SHROOM2: variants seen among roughly 807,000 people sequenced by gnomAD.
SHROOM2 encodes shroom family member 2.
SHROOM2 carries 33 observed loss-of-function variants against 75.9 expected under a neutral mutation model. The observed-to-expected ratio is 0.43, with a 90% confidence interval of 0.33 to 0.58. The LOEUF (loss-of-function observed/expected upper bound fraction) is 0.58, where lower values mean the gene tolerates loss of function less well. SHROOM2 is among the 20% of genes least tolerant of loss of function. SHROOM2 has a pLI of 0.04. For missense variants in SHROOM2, 1,434 were observed against 1,461.2 expected (o/e 0.98, Z 0.30); for synonymous variants, 655 against 663.6 (o/e 0.99, Z 0.20).
rs926065071 is a variant in SHROOM2 at position 9,930,954 on chromosome X, G to T, written c.2892-1221G>T. On this transcript the variant is annotated intron_variant, in intron 5 of 9. Coordinates refer to ENST00000380913, the MANE Select transcript of SHROOM2 (RefSeq NM_001649.4). The stretch of plus-strand genomic sequence containing the variant: ...GATGGGGCTTCACCATGTTGGCCAG[G>T]CTGGTCTCGAACTCCTGACCTCAAG... Among the ~76,000 whole-genome samples the T allele has an allele frequency of 2.7e-5, 3 of 109,551 alleles. No individual in the cohort carries two copies. The South Asian group carries it at 1.2e-3, about 45-fold the overall frequency.
intron 1 of SHROOM2, among the ~76,000 whole-genome samples, chrX:9,799,288 C>T (rs1055611923): frequency 3.0e-5 from 3 of 101,271 alleles, no homozygotes; most frequent in South Asian, 4.7e-4. Context: ...GTGTCTTAAC[C>T]TCCTGAGTAG....
Position 9,932,698 on chromosome X carries a change from G to T in SHROOM2, c.3415G>T (p.Val1139Leu). The T allele has an allele frequency of 2.5e-6, 3 of 1,211,640 alleles. No homozygotes were observed. The highest frequency in any genetic ancestry group is 3.3e-6 in the Non-Finnish European group (3 of 895,528). Residue 1139 changes from valine (V) to leucine (L), a missense_variant, in exon 6 of 10, where the codon GTG (valine) becomes TTG (leucine). Transcript: ENST00000380913. The stretch of plus-strand genomic sequence containing the variant: ...TGTCTGTGAGCGTGGAAGCCAGCAT[G>T]TGAGCGGGGACGCATCACGTCCTCT... ...ATVCERGSQH[V>L]SGDASRPLPE... is the part of the protein sequence containing the mutation.
intron 5 of SHROOM2, among the ~76,000 whole-genome samples, chrX:9,925,627 G>A (rs914315870): frequency 2.7e-5 from 3 of 112,512 alleles, no homozygotes; most frequent in African/African-American, 9.7e-5. Flanking sequence ...TGTGCTCTGT[G>A]CACACAGTTC....
At chrX:9,816,473 C>T (rs540141643) in intron 1 of SHROOM2, among the ~76,000 whole-genome samples, 2 of 112,277 alleles carry the variant, frequency 1.8e-5, no homozygotes, top group African/African-American at 6.5e-5. Flanking sequence ...TGCAGGGCTC[C>T]GACAGAGGTG....
At chrX:9,789,471 G>C (rs1290657600) in intron 1 of SHROOM2, among the ~76,000 whole-genome samples, 4 of 111,487 alleles carry the variant, frequency 3.6e-5, no homozygotes, top group Admixed American at 1.9e-4. Flanking sequence ...TGTTAGAGAG[G>C]GGGCAGGAAT....
intron 2 of SHROOM2, among the ~76,000 whole-genome samples, chrX:9,875,308 C>A (rs1569155877): frequency 1.8e-5 from 2 of 109,071 alleles, no homozygotes; most frequent in African/African-American, 3.3e-5. Flanking sequence ...TCTGTGATCA[C>A]CGTCTTAACC....
At chrX:9,811,849 G>T (rs1295102307) in intron 1 of SHROOM2, among the ~76,000 whole-genome samples, 1 of 111,858 alleles carries the variant, frequency 8.9e-6, no homozygotes, top group Admixed American at 9.5e-5. Flanking sequence ...GGTGCAGGCT[G>T]GGGGAGAGAA....
intron 1 of SHROOM2, among the ~76,000 whole-genome samples, chrX:9,812,093 G>A (rs7067206): frequency 0.094 from 10,531 of 111,555 alleles, 1,202 homozygotes; most frequent in African/African-American, 0.32. Flanking sequence ...TTCAGTTTCT[G>A]CCAAAGCCCA....
rs767519356 is a variant in SHROOM2, at chrX:9,808,282, C to T, written c.165+21572C>T. ...TTAATTATTAAAAATGGAGACTGTGCGCTGTGGCTCACACCTGTAATCCCA... is the reference window on the plus strand; with the variant it reads ...TTAATTATTAAAAATGGAGACTGTGTGCTGTGGCTCACACCTGTAATCCCA... On this transcript the variant is annotated intron_variant, in intron 1 of 9. Coordinates refer to ENST00000380913, the MANE Select transcript of SHROOM2 (RefSeq NM_001649.4). Among the ~76,000 whole-genome samples the T allele has an allele frequency of 6.5e-5, 7 of 108,228 alleles. No homozygotes were observed. In the South Asian group the frequency reaches 2.9e-3, roughly 45 times the overall value. 94.0% of individuals were successfully genotyped at this position (108,228 alleles called of 115,157 possible).
intron 5 of SHROOM2, among the ~76,000 whole-genome samples, chrX:9,903,651 C>T (rs1418201206): frequency 1.8e-5 from 2 of 111,405 alleles, no homozygotes; most frequent in African/African-American, 6.5e-5. Flanking sequence ...TCACGTGATC[C>T]TCCCACCTCA....
At chrX:9,939,406 A>C in intron 8 of SHROOM2, 40 bp downstream of exon 8, 1 of 1,086,022 alleles carries the variant, frequency 9.2e-7, no homozygotes, top group Non-Finnish European at 1.2e-6. Context: ...GTGCGTGTCC[A>C]GGCAGGGGCA....
intron 1 of SHROOM2, among the ~76,000 whole-genome samples, chrX:9,829,179 A>ACCC (rs1250531906): frequency 1.8e-5 from 2 of 110,904 alleles, no homozygotes; most frequent in African/African-American, 6.6e-5. Context: ...ATGCGCCACC[A>ACCC]CCCCCGGCTA....
intron 5 of SHROOM2, among the ~76,000 whole-genome samples, chrX:9,929,336 G>A (rs1239682129): frequency 9.0e-6 from 1 of 110,616 alleles, no homozygotes; most frequent in Non-Finnish European, 1.9e-5. Context: ...TCTGAATGAA[G>A]TGCAGTGTTG....
At chrX:9,906,844 T>C (rs2084394263) in intron 5 of SHROOM2, among the ~76,000 whole-genome samples, 1 of 112,661 alleles carries the variant, frequency 8.9e-6, no homozygotes, top group Non-Finnish European at 1.9e-5. Context: ...GCAGCTGTAG[T>C]TCAGAGATTG....
chrX:9,918,169 AT>A (rs2084508358), intron 5 of SHROOM2, among the ~76,000 whole-genome samples: 1 of 112,833 alleles, frequency 8.9e-6, no homozygotes. Context: ...CTGGTTAGCA[AT>A]TAGCATTCCC....
At chrX:9,914,468 A>T (rs757958180) in intron 5 of SHROOM2, among the ~76,000 whole-genome samples, 26 of 110,537 alleles carry the variant, frequency 2.4e-4, no homozygotes, top group Non-Finnish European at 4.2e-4. Context: ...GTAGGGGAGC[A>T]GTGGGAAGAA....
In SHROOM2 at chrX:9,864,982, C is replaced by T. The variant is rs1440568415; in HGVS notation, c.166-8670C>T. 5 of 111,853 alleles carry T rather than the reference C, an allele frequency of 4.5e-5. No individual in the cohort carries two copies. In the East Asian group the frequency reaches 1.4e-3, roughly 31 times the overall value. 9.2% of individuals were successfully genotyped at this position (111,853 alleles called of 1,213,427 possible). The stretch of plus-strand genomic sequence containing the variant: ...GAGCTGTGATCGCACCACTGCACTC[C>T]AGCCTGTGCAACAGAGCGAGACCCA... On this transcript the variant is annotated intron_variant, in intron 1 of 9. Coordinates refer to ENST00000380913, the MANE Select transcript of SHROOM2 (RefSeq NM_001649.4).
intron 1 of SHROOM2, among the ~76,000 whole-genome samples, chrX:9,822,107 C>G (rs1328656052): frequency 8.9e-6 from 1 of 112,387 alleles, no homozygotes; most frequent in East Asian, 2.8e-4. Flanking sequence ...GGGATCATCA[C>G]TAAGCTGTGA....
chrX:9,900,500 G>C (rs746659211), intron 5 of SHROOM2, among the ~76,000 whole-genome samples: 1 of 112,067 alleles, frequency 8.9e-6, no homozygotes, highest in East Asian at 2.8e-4. Flanking sequence ...TAATCGATGC[G>C]TAGCAAAAAG....
Sources: allele counts gnomAD v4.1 joint callset (sites outside exome capture counted in the v4.1 genomes callset), GRCh38; gene constraint gnomAD v4.1.1; transcripts MANE v1.5; gene names NCBI Gene and HGNC (gene_info 2026-07-23, HGNC 2026-07-21).